Variants in TUBGCP2 observed in about 807,000 individuals in gnomAD.
The protein encoded by TUBGCP2 is gamma-tubulin complex component 2.
In TUBGCP2, 55 loss-of-function variants were observed where a neutral mutation model predicts 92.2. The observed-to-expected ratio is 0.60, with a 90% CI of 0.48 to 0.75. The LOEUF (loss-of-function observed/expected upper bound fraction) is 0.75, where lower values mean the gene tolerates loss of function less well. Ranked by LOEUF, TUBGCP2 falls within the 30% of genes least tolerant of loss-of-function variation. The probability of loss-of-function intolerance (pLI) is 0.00; values close to 1 mark genes in which losing one functional copy is unlikely to be tolerated. For synonymous variants in TUBGCP2, 533 were observed against 505.2 expected, an observed-to-expected ratio of 1.06 and a Z score of -0.74; for missense variants, 1,093 against 1,188.9, an observed-to-expected ratio of 0.92 and a Z score of 1.19.
intron 14 of TUBGCP2, 90 bp downstream of exon 14, chr10:133,283,792 C>G: frequency 1.3e-6 from 2 of 1,566,746 alleles, no homozygotes; most frequent in African/African-American, 2.7e-5. Context: ...CTCCCTGCCT[C>G]TCCCCTCGCC....
At chr10:133,297,746 C>T (rs1208668769) in intron 5 of TUBGCP2, among the ~76,000 whole-genome samples, 1 of 152,232 alleles carries the variant, frequency 6.6e-6, no homozygotes, top group Non-Finnish European at 1.5e-5. Flanking sequence ...TTCTCTGCTG[C>T]CATCCTGGGA....
chr10:133,291,247 C>CCCTCTGTGT lies in TUBGCP2; in HGVS notation c.1214+1251_1214+1252insACACAGAGG, dbSNP rs138609479. Among the ~76,000 whole-genome samples, 7 of 69,012 alleles carry CCCTCTGTGT rather than the reference C, an allele frequency of 1.0e-4. No individual in the cohort carries two copies. In the African/African-American group the frequency reaches 1.1e-3, roughly 10 times the overall value. The allele number at this position is 69,012 out of a possible 152,430, so 45.3% of individuals were successfully genotyped here. The stretch of plus-strand genomic sequence containing the variant: ...AGAGGGCAGCACGCGCCCTCCGTGT[C>CCCTCTGTGT]CCCCATGTCCCTCCGTGTCCCCCAT... On this transcript the variant is annotated intron_variant, in intron 8 of 17. Transcript: ENST00000252936.
At chr10:133,289,667 C>T (rs766813785) in intron 9 of TUBGCP2, among the ~76,000 whole-genome samples, 157 bp downstream of exon 9, 3 of 152,222 alleles carry the variant, frequency 2.0e-5, no homozygotes, top group African/African-American at 4.8e-5. Flanking sequence ...GCCCAGCCCA[C>T]GGGCCAGTCC....
At chr10:133,311,915 G>T (rs1374130592), upstream of TUBGCP2, 2 of 1,613,042 alleles carry the variant, frequency 1.2e-6, no homozygotes, top group Non-Finnish European at 1.7e-6. Flanking sequence ...CTGCACCTGG[G>T]CCGCAGCTCT....
At chr10:133,298,924 G>A (rs540033830) in intron 4 of TUBGCP2, among the ~76,000 whole-genome samples, 47 of 152,256 alleles carry the variant, frequency 3.1e-4, no homozygotes, top group Non-Finnish European at 4.0e-4. Flanking sequence ...AGGCAGGAAC[G>A]TGGCAGCTCT....
chr10:133,285,277 T>C lies in TUBGCP2; in HGVS notation c.1896-64A>G. On this transcript the variant is annotated intron_variant, in intron 12 of 17. Transcript: ENST00000252936. The surrounding 1 kb of genome is among the most constrained non-coding windows in gnomAD (Gnocchi z 6.8). ...GACCGGCGGCGTCGTGGACACGGCG[T>C]CTGTACTCCACAGTCCGCACCGTGG... is the stretch of plus-strand genomic sequence containing the variant. 1 of 1,604,708 alleles carries C rather than the reference T, an allele frequency of 6.2e-7. No individual in the cohort carries two copies. Among genetic ancestry groups the C allele is most frequent in the Non-Finnish European group, 8.5e-7 (1 of 1,179,004 alleles).
chr10:133,294,607 G>GT (rs1230675100), intron 5 of TUBGCP2, among the ~76,000 whole-genome samples: 179 of 145,048 alleles, frequency 1.2e-3, no homozygotes, highest in Middle Eastern at 3.6e-3. Context: ...CACTGTCCTT[G>GT]TTTTTTTTTT....
intron 1 of TUBGCP2, among the ~76,000 whole-genome samples, chr10:133,306,246 T>C (rs1264190471): frequency 2.0e-5 from 3 of 152,296 alleles, no homozygotes; most frequent in African/African-American, 7.2e-5. Flanking sequence ...GCAAACTACT[T>C]GTGAAGCAGA....
Position 133,302,951 on chromosome 10 carries a change from T to C in TUBGCP2, c.-10A>G. The C allele has an allele frequency of 6.2e-7, 1 of 1,614,010 alleles. No individual in the cohort carries two copies. Among genetic ancestry groups the C allele is most frequent in the Non-Finnish European group, 8.5e-7 (1 of 1,179,976 alleles). ...TCCGAAATTCACTCATAGTTTTAGCTCTGAGGCACGAACATCACAATATGT... is the reference window on the plus strand; with the variant it reads ...TCCGAAATTCACTCATAGTTTTAGCCCTGAGGCACGAACATCACAATATGT... On this transcript the variant is annotated 5_prime_UTR_variant, in exon 2 of 18. Transcript: ENST00000252936.
At chr10:133,301,044 CT>C in intron 2 of TUBGCP2, among the ~76,000 whole-genome samples, 1 of 152,202 alleles carries the variant, frequency 6.6e-6, no homozygotes. Flanking sequence ...CTGCATCTCA[CT>C]GTATTCCCCG....
rs770948040 is a variant in TUBGCP2, at chr10:133,285,741, T to C, written c.1723-113A>G. The C allele has an allele frequency of 1.1e-4, 110 of 1,038,034 alleles. No individual in the cohort carries two copies. Among genetic ancestry groups the C allele is most frequent in the Non-Finnish European group, 1.3e-4 (103 of 774,824 alleles). 64.3% of individuals were successfully genotyped at this position (1,038,034 alleles called of 1,614,324 possible). On this transcript the variant is annotated intron_variant, in intron 11 of 17. Coordinates refer to ENST00000252936, the MANE Select transcript of TUBGCP2 (RefSeq NM_006659.4). This position sits in a 1 kb window ranked among gnomAD's most constrained non-coding sequence, Gnocchi z 6.8. ...CAGCGCTGACGTAAGGTTCCCTACA[T>C]TCCGATTCTAAATATCAGAGGCTTT...
chr10:133,288,134 G>T lies in TUBGCP2; in HGVS notation c.1717C>A (p.Leu573Ile), dbSNP rs1239658630. The change falls in exon 11 of 18, where the codon CTC (leucine) becomes ATC (isoleucine). Residue 573 changes from leucine (L) to isoleucine (I), a missense_variant. Transcript: ENST00000252936. ...CCCCCGGCACCCCCACCCACCTTGA[G>T]GTCGTCCTTGAAGGGGTCAGTGTTG... is the stretch of plus-strand genomic sequence containing the variant. ...TANTDPFKDDLKIDLMPHDLI... is the reference protein window; with the variant it reads ...TANTDPFKDDIKIDLMPHDLI... 2 of 1,609,708 alleles carry T rather than the reference G, an allele frequency of 1.2e-6. No individual in the cohort carries two copies. The highest frequency in any genetic ancestry group is 2.7e-5 in the African/African-American group (2 of 74,790).
chr10:133,296,243 C>A (rs1847485397), intron 5 of TUBGCP2, among the ~76,000 whole-genome samples: 1 of 152,220 alleles, frequency 6.6e-6, no homozygotes, highest in African/African-American at 2.4e-5. Flanking sequence ...AGCCTGAACA[C>A]CCCCTCAGTG....
At chr10:133,280,136 C>A (rs1405544122) in intron 17 of TUBGCP2, among the ~76,000 whole-genome samples, 3 of 152,194 alleles carry the variant, frequency 2.0e-5, no homozygotes, top group Non-Finnish European at 4.4e-5. Context: ...CCATAAGAGG[C>A]CCTGCAGGGG....
At position 133,299,517 on chromosome 10, in the gene TUBGCP2, G is replaced by T; in HGVS notation, c.366C>A (p.Val122=). Residue 122 remains valine (V), a synonymous_variant, in exon 4 of 18, where the codon GTC becomes GTA. Coordinates refer to ENST00000252936, the MANE Select transcript of TUBGCP2 (RefSeq NM_006659.4). ...TGGAGATCTTGGAGGCCGCGGCAGG[G>T]ACGTTGATGCTGGTGGTACTGCTGC... ...AVGSSTTSIN[V]PAAASKISMQ... 15 of 1,613,832 alleles carry T rather than the reference G, an allele frequency of 9.3e-6. No individual in the cohort carries two copies. Among genetic ancestry groups the T allele is most frequent in the East Asian group, 2.2e-5 (1 of 44,888 alleles).
chr10:133,298,898 A>G (rs117003051), intron 4 of TUBGCP2, among the ~76,000 whole-genome samples: 94 of 152,356 alleles, frequency 6.2e-4, no homozygotes, highest in Non-Finnish European at 1.1e-3. Context: ...CTCCAAAGGG[A>G]GTTTAAAGGT....
rs1024467676 is a variant in TUBGCP2, at chr10:133,293,536, T to C, written c.824+26A>G. The stretch of plus-strand genomic sequence containing the variant: ...ACCCCTCCCCCACAACAGCGCAGGC[T>C]CCCAGGGACCGCGCCCGGTGCCCAC... On this transcript the variant is annotated intron_variant, in intron 6 of 17. Coordinates refer to ENST00000252936, the MANE Select transcript of TUBGCP2 (RefSeq NM_006659.4). 4.5e-6 allele frequency: 7 copies of C among 1,548,312 alleles called. No individual in the cohort carries two copies. In the African/African-American group the frequency reaches 9.6e-5, roughly 21 times the overall value.
chr10:133,299,666 G>T, intron 3 of TUBGCP2, 63 bp from the exon 4 acceptor site: 1 of 1,430,710 alleles, frequency 7.0e-7, no homozygotes, highest in Non-Finnish European at 9.6e-7. Context: ...TAGGGGGAGA[G>T]TAGGGACGAC....
chr10:133,283,028 T>TCTGCCCACCCGCGC lies in TUBGCP2; in HGVS notation c.2289+36_2289+49dup, dbSNP rs745398880. On this transcript the variant is annotated intron_variant, in intron 15 of 17. Transcript: ENST00000252936. Reference sequence around the variant, plus strand: ...GCGTGCGGCCACGGTCGGGACATGGTCTGCCCACCCGCGCCTGCCCACCCG... The same window carrying TCTGCCCACCCGCGC: ...GCGTGCGGCCACGGTCGGGACATGGTCTGCCCACCCGCGCCTGCCCACCCGCGCCTGCCCACCCG... 1.1e-5 allele frequency: 18 copies of TCTGCCCACCCGCGC among 1,607,932 alleles called. No homozygotes were observed. In the African/African-American group the frequency reaches 2.0e-4, roughly 18 times the overall value.
Sources: allele counts gnomAD v4.1 joint callset (sites outside exome capture counted in the v4.1 genomes callset), GRCh38; gene constraint gnomAD v4.1.1; non-coding constraint Gnocchi (gnomAD v3.1); transcripts MANE v1.5; gene names NCBI Gene and HGNC (gene_info 2026-07-23, HGNC 2026-07-21).